Variants in CHLSN observed in about 807,000 individuals in gnomAD.
The protein encoded by CHLSN is cholesin, also known as protein cholesin.
the CHLSN span, among the ~76,000 whole-genome samples, chr7:1,038,451 C>A: frequency 1.2e-5 from 1 of 84,386 alleles, no homozygotes; most frequent in East Asian, 2.9e-4. Context: ...GCCCCCCAAC[C>A]CGGCCAGCCG....
the CHLSN span, among the ~76,000 whole-genome samples, chr7:1,003,611 C>T: frequency 5.0e-4 from 8 of 16,058 alleles, no homozygotes; most frequent in African/African-American, 1.8e-3. Context: ...TGGAGTCCTG[C>T]GGGTGGGGAG....
the CHLSN span, among the ~76,000 whole-genome samples, chr7:978,567 C>G: frequency 2.0e-5 from 3 of 152,150 alleles, no homozygotes; most frequent in South Asian, 6.2e-4. Context: ...TGTTTGAGCC[C>G]CAGCAATCAA....
chr7:1,053,813 C>A, the CHLSN span, among the ~76,000 whole-genome samples: 3 of 152,206 alleles, frequency 2.0e-5, no homozygotes, highest in South Asian at 2.1e-4. Flanking sequence ...GGCAACAGAG[C>A]GAGACTCCAT....
the CHLSN span, among the ~76,000 whole-genome samples, chr7:984,045 C>CTCAGAACCAGCAAG: frequency 6.6e-6 from 1 of 152,224 alleles, no homozygotes; most frequent in African/African-American, 2.4e-5. Context: ...TCTCTGGGGG[C>CTCAGAACCAGCAAG]CGAGCCTGTC....
chr7:984,942 G>GAA, the CHLSN span: 1 of 1,592,596 alleles, frequency 6.3e-7, no homozygotes, highest in Non-Finnish European at 8.5e-7. Flanking sequence ...CACTGTATCT[G>GAA]CCTACAGGCA....
At chr7:1,070,727 C>G in the CHLSN span, among the ~76,000 whole-genome samples, 1 of 151,296 alleles carries the variant, frequency 6.6e-6, no homozygotes, top group Non-Finnish European at 1.5e-5. Context: ...CACGCGCACA[C>G]ATGCACGCAC....
chr7:987,323 C>T, the CHLSN span: 1 of 1,550,644 alleles, frequency 6.4e-7, no homozygotes, highest in African/African-American at 1.4e-5. Context: ...CGCTGCCACC[C>T]AAGCGGCCCA....
chr7:1,045,049 T>C, the CHLSN span, among the ~76,000 whole-genome samples: 1 of 152,226 alleles, frequency 6.6e-6, no homozygotes, highest in Non-Finnish European at 1.5e-5. Context: ...GAGTTTTGGA[T>C]CTGTGTCTAC....
chr7:1,108,790 T>C, the CHLSN span, among the ~76,000 whole-genome samples: 1 of 151,902 alleles, frequency 6.6e-6, no homozygotes, highest in Non-Finnish European at 1.5e-5. Flanking sequence ...ATGGGGGCCA[T>C]CCAGTGTGCA....
chr7:1,012,822 T>A, the CHLSN span, among the ~76,000 whole-genome samples: 1 of 151,964 alleles, frequency 6.6e-6, no homozygotes. Context: ...GTGCTCGCGC[T>A]CGCTGCCTTG....
the CHLSN span, chr7:987,674 C>T: frequency 2.4e-6 from 2 of 844,310 alleles, no homozygotes; most frequent in Non-Finnish European, 3.5e-6. Context: ...GGCGTCCAGC[C>T]AGGAGCAGGA....
At chr7:1,016,146 G>GCAGCACA in the CHLSN span, among the ~76,000 whole-genome samples, 3 of 96,286 alleles carry the variant, frequency 3.1e-5, no homozygotes, top group African/African-American at 5.8e-5. Context: ...CCAGCACACA[G>GCAGCACA]CAGCACACGC....
the CHLSN span, among the ~76,000 whole-genome samples, chr7:1,135,538 G>A: frequency 1.3e-3 from 193 of 151,014 alleles, no homozygotes; most frequent in Middle Eastern, 3.4e-3. Context: ...AGGCCGAGGC[G>A]GGGAGATCAC....
chr7:1,127,363 A>C, the CHLSN span: 1 of 1,608,038 alleles, frequency 6.2e-7, no homozygotes, highest in Non-Finnish European at 8.5e-7. Context: ...CACTTCAGGA[A>C]CTTTTCTCTT....
the CHLSN span, among the ~76,000 whole-genome samples, chr7:1,019,223 G>C: frequency 8.7e-6 from 1 of 114,922 alleles, no homozygotes; most frequent in Non-Finnish European, 1.8e-5. Flanking sequence ...GGGGGGGGGG[G>C]AGTGAAAGGG....
the CHLSN span, chr7:1,056,106 G>A: frequency 1.2e-4 from 19 of 154,006 alleles, 1 homozygote; most frequent in South Asian, 3.9e-3. Context: ...TGGAGCAGGT[G>A]CATCCTGTCT....
the CHLSN span, among the ~76,000 whole-genome samples, chr7:1,136,414 A>C: frequency 1.3e-4 from 4 of 31,414 alleles, no homozygotes; most frequent in East Asian, 1.9e-3. Flanking sequence ...ATATAAACAT[A>C]TATATAAATA....
chr7:1,098,304 C>G, the CHLSN span, among the ~76,000 whole-genome samples: 11 of 152,358 alleles, frequency 7.2e-5, no homozygotes, highest in East Asian at 2.1e-3. Flanking sequence ...AAACATGCAT[C>G]CAAGCAAGCA....
At chr7:1,048,417 C>T in the CHLSN span, among the ~76,000 whole-genome samples, 2 of 152,066 alleles carry the variant, frequency 1.3e-5, no homozygotes, top group African/African-American at 2.4e-5. Context: ...GCAGTGCAGG[C>T]GCTATGATGC....
Sources: allele counts gnomAD v4.1 joint callset (sites outside exome capture counted in the v4.1 genomes callset), GRCh38; gene constraint gnomAD v4.1.1; transcripts MANE v1.5; gene names NCBI Gene and HGNC (gene_info 2026-07-23, HGNC 2026-07-21).